EXT2: variants seen among roughly 807,000 people sequenced by gnomAD.
The protein encoded by EXT2 is exostosin glycosyltransferase 2, also known as exostosin-2.
A neutral mutation model predicts 81.6 loss-of-function variants in EXT2; 53 were observed. That is an observed-to-expected ratio of 0.65 (90% CI 0.52 to 0.82). The LOEUF (loss-of-function observed/expected upper bound fraction) is 0.82. Ranked by LOEUF, EXT2 falls within the 40% of genes least tolerant of loss-of-function variation. The probability of loss-of-function intolerance (pLI) is 0.00; values close to 1 mark genes in which losing one functional copy is unlikely to be tolerated. For missense variants in EXT2, 774 were observed against 910.2 expected, an observed-to-expected ratio of 0.85 and a Z score of 1.93; for synonymous variants, 320 against 340.0, an observed-to-expected ratio of 0.94 and a Z score of 0.65.
chr11:44,229,643 A>G (rs2135253614), intron 10 of EXT2, among the ~76,000 whole-genome samples: 1 of 152,328 alleles, frequency 6.6e-6, no homozygotes, highest in Non-Finnish European at 1.5e-5. Flanking sequence ...AAAACAAGTC[A>G]CAACATGTGC....
intron 10 of EXT2, among the ~76,000 whole-genome samples, chr11:44,219,359 A>G (rs1256993217): frequency 6.6e-6 from 1 of 152,020 alleles, no homozygotes; most frequent in African/African-American, 2.4e-5. Flanking sequence ...ATTAAAAAAA[A>G]AAAAATTAAC....
chr11:44,171,769 T>C, intron 8 of EXT2, 27 bp downstream of exon 8: 1 of 1,613,508 alleles, frequency 6.2e-7, no homozygotes, highest in Non-Finnish European at 8.5e-7. Context: ...GCTAGCCACA[T>C]GAGGCATGGT....
intron 4 of EXT2, among the ~76,000 whole-genome samples, chr11:44,119,141 T>TATATATATATATATAC (rs1954271005): frequency 2.6e-5 from 1 of 39,126 alleles, no homozygotes; most frequent in African/African-American, 8.3e-5. Context: ...TATATATATA[T>TATATATATATATATAC]ATATATATAT....
intron 7 of EXT2, among the ~76,000 whole-genome samples, chr11:44,133,715 A>T (rs901433780): frequency 6.6e-6 from 1 of 152,170 alleles, no homozygotes; most frequent in Non-Finnish European, 1.5e-5. Context: ...TTAGCACAGG[A>T]TTTTACTCTC....
At chr11:44,136,069 A>G (rs1954561657) in intron 7 of EXT2, among the ~76,000 whole-genome samples, 1 of 152,146 alleles carries the variant, frequency 6.6e-6, no homozygotes, top group African/African-American at 2.4e-5. Context: ...TCTGTTTAAG[A>G]TGTTTGTTTT....
rs1292697365 is a variant in EXT2, at chr11:44,114,187, C to A, written c.629C>A (p.Ala210Asp). 1 of 1,613,728 alleles carries A rather than the reference C, an allele frequency of 6.2e-7. No homozygotes were observed. The highest frequency in any genetic ancestry group is 1.3e-5 in the African/African-American group (1 of 74,898). Residue 210 changes from alanine to aspartate, a missense_variant and splice_region_variant, in exon 4 of 14, where the codon GCC becomes GAC. This residue lies in a region of EXT2 where 626 missense variants were observed against 670.5 expected (regional missense o/e 0.93). Transcript: ENST00000533608. Reference protein sequence around the residue: ...NTALDVPRDRALLAGGGFSTW... With the variant: ...NTALDVPRDRDLLAGGGFSTW... ...TTAACAAAATACTTTGCTTTCAGGG[C>A]CCTGTTGGCTGGTGGCGGCTTTTCT...
chr11:44,118,907 A>G lies in EXT2; in HGVS notation c.743+4606A>G, dbSNP rs79976006. On this transcript the variant is annotated intron_variant, in intron 4 of 13. Transcript: ENST00000533608. The stretch of plus-strand genomic sequence containing the variant: ...TGCTGCTTCTGTGAGCATTTACTTA[A>G]ATCTGTTCTGTGATTTAAAAAGTTT... 7.2e-3 allele frequency among the ~76,000 whole-genome samples: 1,087 copies of G among 151,694 alleles called. 9 individuals carry two copies. Among genetic ancestry groups the G allele is most frequent in the East Asian group, 0.031 (162 of 5,156 alleles).
chr11:44,227,178 G>T (rs2034716), intron 10 of EXT2, among the ~76,000 whole-genome samples: 137,257 of 152,232 alleles, frequency 0.9, 61,961 homozygotes, highest in East Asian at 0.99. Context: ...GTCTGTTTCC[G>T]GAATCTGACT....
At position 44,124,817 on chromosome 11, in the gene EXT2, C is replaced by G; in HGVS notation, c.772C>G (p.Gln258Glu). 1 of 1,614,130 alleles carries G rather than the reference C, an allele frequency of 6.2e-7. No individual in the cohort carries two copies. The highest frequency in any genetic ancestry group is 8.5e-7 in the Non-Finnish European group (1 of 1,180,016). The change falls in exon 5 of 14, where the codon CAG (glutamine) becomes GAG (glutamate). Residue 258 changes from glutamine (Q) to glutamate (E), a missense_variant. By Grantham distance (29) the Gln-to-Glu change is conservative. Coordinates refer to ENST00000533608, the MANE Select transcript of EXT2 (RefSeq NM_207122.2). ...GPRQYFLLSS[Q>E]VGLHPEYRED... The stretch of plus-strand genomic sequence containing the variant: ...ACGGCAATACTTCCTCCTGTCATCT[C>G]AGGTGGGTCTCCATCCTGAGTACAG...
chr11:44,190,577 C>T (rs1955378794), intron 8 of EXT2, among the ~76,000 whole-genome samples: 1 of 152,154 alleles, frequency 6.6e-6, no homozygotes, highest in African/African-American at 2.4e-5. Context: ...TGAAGTTATA[C>T]ATAGTGACAA....
intron 7 of EXT2, among the ~76,000 whole-genome samples, chr11:44,143,609 C>T (rs1303150103): frequency 2.0e-5 from 3 of 152,184 alleles, no homozygotes; most frequent in Non-Finnish European, 4.4e-5. Flanking sequence ...AGGGGTCTTC[C>T]CTCGGAATCA....
rs750549318 is a variant in EXT2 at position 44,206,813 on chromosome 11, C to T, written c.1516C>T (p.Arg506Trp). Residue 506 changes from arginine (R) to tryptophan (W), a missense_variant, in exon 10 of 14, where the codon CGG becomes TGG. Physicochemically the swap from Arg to Trp is moderately radical, Grantham distance 101. Around this residue, in one of 2 missense-constraint regions of EXT2, gnomAD observed 626 missense variants for 670.5 expected, o/e 0.93. Coordinates refer to ENST00000533608, the MANE Select transcript of EXT2 (RefSeq NM_207122.2). Reference sequence around the variant, plus strand: ...TCCAGATTCTCTCTGGCCCAAAATCCGGGTTCCATTAAAAGTTGTGAGGAC... The same window carrying T: ...TCCAGATTCTCTCTGGCCCAAAATCTGGGTTCCATTAAAAGTTGTGAGGAC... The part of the protein sequence containing the change: ...PPEDSLWPKI[R>W]VPLKVVRTAE... The T allele has an allele frequency of 1.4e-5, 23 of 1,613,824 alleles. No individual in the cohort carries two copies. The highest frequency in any genetic ancestry group is 5.0e-5 in the Admixed American group (3 of 59,986).
At chr11:44,186,255 A>G (rs1207149485) in intron 8 of EXT2, among the ~76,000 whole-genome samples, 1 of 152,208 alleles carries the variant, frequency 6.6e-6, no homozygotes. Context: ...TACTATAGAT[A>G]TATTTAGTGA....
chr11:44,106,315 C>T lies in EXT2; in HGVS notation c.-30-1368C>T, dbSNP rs942428185. ...CCCTTTCTCCCTTCTCTCTCTTTCTCTTCCTTTTCCTCCCTCCCTTTGTCT... is the reference window on the plus strand; with the variant it reads ...CCCTTTCTCCCTTCTCTCTCTTTCTTTTCCTTTTCCTCCCTCCCTTTGTCT... On this transcript the variant is annotated intron_variant, in intron 1 of 13. Coordinates refer to ENST00000533608, the MANE Select transcript of EXT2 (RefSeq NM_207122.2). 2.0e-5 allele frequency among the ~76,000 whole-genome samples: 3 copies of T among 152,098 alleles called. No individual in the cohort carries two copies. The East Asian group carries it at 5.8e-4, about 29-fold the overall frequency.
rs550590002 is a variant in EXT2 at position 44,223,642 on chromosome 11, G to A, written c.1663-8711G>A. Among the ~76,000 whole-genome samples the A allele has an allele frequency of 2.8e-4, 43 of 151,084 alleles. No homozygotes were observed. In the South Asian group the frequency reaches 9.0e-3, roughly 32 times the overall value. ...GGAGTCAGGGATAGGGAGGGAGACA[G>A]TTGTGTGTCTTTTTTTTTTTTTTTT... On this transcript the variant is annotated intron_variant, in intron 10 of 13. Coordinates refer to ENST00000533608, the MANE Select transcript of EXT2 (RefSeq NM_207122.2).
At chr11:44,156,338 C>G (rs1269259155) in intron 7 of EXT2, among the ~76,000 whole-genome samples, 1 of 152,156 alleles carries the variant, frequency 6.6e-6, no homozygotes, top group Non-Finnish European at 1.5e-5. Flanking sequence ...CTCTTTCCAC[C>G]TCTTCTTTAA....
At chr11:44,154,655 T>C (rs1954835332) in intron 7 of EXT2, among the ~76,000 whole-genome samples, 1 of 152,126 alleles carries the variant, frequency 6.6e-6, no homozygotes, top group Non-Finnish European at 1.5e-5. Context: ...TATATATACC[T>C]AGCATTGGGA....
chr11:44,119,142 A>ATG (rs1954271184), intron 4 of EXT2, among the ~76,000 whole-genome samples: 1 of 41,958 alleles, frequency 2.4e-5, no homozygotes, highest in East Asian at 1.1e-3. Context: ...ATATATATAT[A>ATG]TATATATATA....
intron 9 of EXT2, among the ~76,000 whole-genome samples, chr11:44,198,285 T>G (rs912001042): frequency 6.6e-6 from 1 of 152,132 alleles, no homozygotes; most frequent in African/African-American, 2.4e-5. Flanking sequence ...AGATCTCAGC[T>G]TCCCTCAGCC....
Sources: gnomAD v4.1 joint callset for allele counts (sites outside exome capture counted in the v4.1 genomes callset) on GRCh38, gnomAD v4.1.1 for gene constraint, gnomAD v4.1.1 regional missense constraint, MANE v1.5 for transcripts, NCBI Gene and HGNC (gene_info 2026-07-23, HGNC 2026-07-21) for gene names.